The following ANXA8 variants were observed in gnomAD, a reference collection of about 807,000 sequenced individuals.
The protein encoded by ANXA8 is annexin A8, also known as VAC-beta.
ANXA8 carries 9 observed loss-of-function variants against 26.8 expected under a neutral mutation model. The ratio of observed to expected loss-of-function variants is 0.34; its 90% confidence interval spans 0.20 to 0.59. ANXA8 has a LOEUF of 0.59. Ranked by LOEUF, ANXA8 falls within the 20% of genes least tolerant of loss-of-function variation. The pLI, the probability that ANXA8 is intolerant of heterozygous loss-of-function variation, is 0.84. For missense variants in ANXA8, 83 were observed against 238.5 expected, an observed-to-expected ratio of 0.35 and a Z score of 4.29; for synonymous variants, 39 against 94.8, an observed-to-expected ratio of 0.41 and a Z score of 3.42.
chr10:47,589,299 C>A, the ANXA8 span: 2 of 147,258 alleles, frequency 1.4e-5, no homozygotes, highest in South Asian at 4.1e-4. Context: ...AGTGTTGTGA[C>A]CATCTCCTTT....
the ANXA8 span, among the ~76,000 whole-genome samples, chr10:47,648,270 C>A: frequency 6.6e-6 from 1 of 151,726 alleles, no homozygotes; most frequent in African/African-American, 2.4e-5. Context: ...CTTGAAGGAA[C>A]TTGGAAAACG....
At chr10:47,478,469 CT>C (rs1464306811) in intron 3 of ANXA8, 63 bp downstream of exon 3, 2 of 1,391,274 alleles carry the variant, frequency 1.4e-6, no homozygotes, top group African/African-American at 2.9e-5. Flanking sequence ...ATGGAGCTGC[CT>C]CCCAGGCTGT....
the ANXA8 span, among the ~76,000 whole-genome samples, chr10:47,633,920 G>A: frequency 1.5e-5 from 2 of 137,842 alleles, no homozygotes; most frequent in East Asian, 4.4e-4. Flanking sequence ...CGCACAACCC[G>A]GTAAACATAG....
chr10:47,746,635 G>A, the ANXA8 span, among the ~76,000 whole-genome samples: 37 of 125,786 alleles, frequency 2.9e-4, no homozygotes, highest in Non-Finnish European at 4.6e-4. Context: ...CTGAGATGGC[G>A]CCACTGCACT....
chr10:47,951,931 T>C, the ANXA8 span, among the ~76,000 whole-genome samples: 9 of 150,162 alleles, frequency 6.0e-5, no homozygotes, highest in East Asian at 2.1e-4. Context: ...GTGCTTATCC[T>C]AGAAATGCAA....
At chr10:47,554,505 C>A in the ANXA8 span, among the ~76,000 whole-genome samples, 30 of 150,810 alleles carry the variant, frequency 2.0e-4, no homozygotes, top group African/African-American at 7.3e-4. Context: ...AGGGATCCAC[C>A]CATTGCCACC....
the ANXA8 span, among the ~76,000 whole-genome samples, chr10:47,733,012 G>A: frequency 2.7e-5 from 4 of 149,992 alleles, no homozygotes; most frequent in Non-Finnish European, 5.9e-5. Flanking sequence ...GGTTGCAAGT[G>A]ATAAAAACCC....
At chr10:47,579,163 A>G in the ANXA8 span, among the ~76,000 whole-genome samples, 1 of 138,538 alleles carries the variant, frequency 7.2e-6, no homozygotes, top group Non-Finnish European at 1.6e-5. Flanking sequence ...TTTTTGAGAC[A>G]GGGTCTGGCT....
the ANXA8 span, among the ~76,000 whole-genome samples, chr10:47,674,783 A>G: frequency 6.6e-6 from 1 of 151,786 alleles, no homozygotes. Flanking sequence ...TTGGGTTAAA[A>G]TCTTATTATT....
chr10:47,720,550 T>C, the ANXA8 span, among the ~76,000 whole-genome samples: 1 of 145,760 alleles, frequency 6.9e-6, no homozygotes, highest in Non-Finnish European at 1.5e-5. Flanking sequence ...GAAAAACACA[T>C]TGTTTTTTGA....
chr10:47,657,146 C>T, the ANXA8 span, among the ~76,000 whole-genome samples: 1 of 151,410 alleles, frequency 6.6e-6, no homozygotes, highest in Non-Finnish European at 1.5e-5. Flanking sequence ...CACCACCACA[C>T]ATTACATTTG....
the ANXA8 span, among the ~76,000 whole-genome samples, chr10:47,705,293 G>T: frequency 8.6e-5 from 12 of 140,196 alleles, no homozygotes; most frequent in African/African-American, 2.9e-4. Context: ...TACAAGTTTA[G>T]TCTTTTATTA....
chr10:47,991,555 A>C, the ANXA8 span: 2 of 1,591,900 alleles, frequency 1.3e-6, no homozygotes, highest in Non-Finnish European at 1.7e-6. Context: ...TGCTTGGCCC[A>C]GGAGGCAGCC....
chr10:47,777,439 C>T, the ANXA8 span, among the ~76,000 whole-genome samples: 1 of 152,144 alleles, frequency 6.6e-6, no homozygotes, highest in African/African-American at 2.4e-5. Context: ...AGGTGTGAGC[C>T]ACCACACCAG....
the ANXA8 span, among the ~76,000 whole-genome samples, chr10:47,566,365 C>T: frequency 6.7e-6 from 1 of 149,772 alleles, no homozygotes; most frequent in Non-Finnish European, 1.5e-5. Context: ...CTTTCGTGAA[C>T]TTTTTACACA....
chr10:47,977,751 G>A, the ANXA8 span, among the ~76,000 whole-genome samples: 6 of 151,700 alleles, frequency 4.0e-5, no homozygotes, highest in African/African-American at 1.4e-4. Context: ...GTTGAATATG[G>A]GTCAATTGAG....
chr10:47,566,074 ATT>A, the ANXA8 span: 13 of 510,102 alleles, frequency 2.5e-5, no homozygotes, highest in African/African-American at 2.6e-4. Context: ...ATAAATATAT[ATT>A]ATATATAATG....
At chr10:47,659,539 G>T in the ANXA8 span, among the ~76,000 whole-genome samples, 6 of 151,360 alleles carry the variant, frequency 4.0e-5, no homozygotes, top group African/African-American at 1.5e-4. Flanking sequence ...AGCCGGGTGT[G>T]GTGGTGCATA....
upstream of ANXA8, among the ~76,000 whole-genome samples, chr10:47,487,721 A>G (rs2132449350): frequency 6.8e-6 from 1 of 147,182 alleles, no homozygotes; most frequent in African/African-American, 2.5e-5. Context: ...TATCATTTTT[A>G]TGACAAATAT....
Sources: gnomAD v4.1 joint callset for allele counts (sites outside exome capture counted in the v4.1 genomes callset) on GRCh38, gnomAD v4.1.1 for gene constraint, MANE v1.5 for transcripts, NCBI Gene and HGNC (gene_info 2026-07-23, HGNC 2026-07-21) for gene names.